The following BICRAL variants were observed in gnomAD, a reference collection of about 807,000 sequenced individuals.
BICRAL encodes BICRA like chromatin remodeling complex associated protein.
A neutral mutation model predicts 91.8 loss-of-function variants in BICRAL; 8 were observed. The observed-to-expected ratio is 0.09, with a 90% confidence interval of 0.05 to 0.16. BICRAL has a LOEUF of 0.16. BICRAL is among the 10% of genes least tolerant of loss of function. The pLI, the probability that BICRAL is intolerant of heterozygous loss-of-function variation, is 1.00. For missense variants in BICRAL, 1,038 were observed against 1,310.9 expected, an observed-to-expected ratio of 0.79 and a Z score of 3.21; for synonymous variants, 445 against 491.1, an observed-to-expected ratio of 0.91 and a Z score of 1.24.
chr6:42,854,721 A>G (rs556471339), intron 8 of BICRAL, among the ~76,000 whole-genome samples: 1 of 151,724 alleles, frequency 6.6e-6, no homozygotes, highest in Admixed American at 6.6e-5. Context: ...ACGTTTTGCC[A>G]TGTTGGCCAG....
At chr6:42,787,727 G>A (rs1467961435) in intron 1 of BICRAL, among the ~76,000 whole-genome samples, 1 of 152,116 alleles carries the variant, frequency 6.6e-6, no homozygotes, top group East Asian at 1.9e-4. Flanking sequence ...CAACATGATG[G>A]TGACTGTTTT....
chr6:42,838,032 T>C (rs902289101), intron 6 of BICRAL, among the ~76,000 whole-genome samples: 1 of 152,250 alleles, frequency 6.6e-6, no homozygotes. Flanking sequence ...ATAGTCTCTA[T>C]GTGTATGTAC....
chr6:42,801,861 T>A (rs1430282226), intron 1 of BICRAL, among the ~76,000 whole-genome samples: 1 of 150,190 alleles, frequency 6.7e-6, no homozygotes. Context: ...CCAGCCTGGG[T>A]GACAGAGTGA....
At chr6:42,788,156 G>T (rs1582818178) in intron 1 of BICRAL, among the ~76,000 whole-genome samples, 1 of 150,362 alleles carries the variant, frequency 6.7e-6, no homozygotes, top group Non-Finnish European at 1.5e-5. Context: ...AGGCTAATGA[G>T]AATATTTAAT....
chr6:42,791,706 T>C (rs925296143), intron 1 of BICRAL, among the ~76,000 whole-genome samples: 19 of 152,072 alleles, frequency 1.2e-4, no homozygotes, highest in African/African-American at 4.6e-4. Context: ...TCAAGCGGTC[T>C]TCTCACCTCG....
At chr6:42,793,556 T>A (rs1480809378) in intron 1 of BICRAL, among the ~76,000 whole-genome samples, 1 of 151,766 alleles carries the variant, frequency 6.6e-6, no homozygotes, top group African/African-American at 2.4e-5. Flanking sequence ...CCCAAAGTGC[T>A]GGGATTACAG....
At chr6:42,770,710 C>G (rs910889697) in intron 1 of BICRAL, among the ~76,000 whole-genome samples, 7 of 150,820 alleles carry the variant, frequency 4.6e-5, no homozygotes, top group Admixed American at 1.3e-4. Flanking sequence ...GCCACCCCAC[C>G]CGGTCAGTGT....
rs573703748 is a variant in BICRAL, at chr6:42,769,173, C to G, written c.-260-12666C>G. ...TCTCATGAGTTTATAGTTAAGCTGGCCCCTGGGGCTGCAGTACTGTGAAGG... is the reference window on the plus strand; with the variant it reads ...TCTCATGAGTTTATAGTTAAGCTGGGCCCTGGGGCTGCAGTACTGTGAAGG... On this transcript the variant is annotated intron_variant, in intron 1 of 14. Transcript: ENST00000614467. Among the ~76,000 whole-genome samples the G allele has an allele frequency of 2.6e-5, 4 of 152,292 alleles. No individual in the cohort carries two copies. The East Asian group carries it at 7.7e-4, about 29-fold the overall frequency.
At chr6:42,802,791 G>C (rs974773520) in intron 1 of BICRAL, among the ~76,000 whole-genome samples, 3 of 151,808 alleles carry the variant, frequency 2.0e-5, no homozygotes, top group African/African-American at 2.4e-5. Flanking sequence ...ATGTTGCCCA[G>C]ACTGGTCTTG....
In BICRAL at chr6:42,828,643, G is replaced by A. The variant is rs1207613370; in HGVS notation, c.310G>A (p.Asp104Asn). 3 of 1,613,874 alleles carry A rather than the reference G, an allele frequency of 1.9e-6. No individual in the cohort carries two copies. The highest frequency in any genetic ancestry group is 1.3e-5 in the African/African-American group (1 of 74,870). Reference protein sequence around the residue: ...LPDLTEDQPFDILQKSLQEAN... With the variant: ...LPDLTEDQPFNILQKSLQEAN... ...TGATCTCACTGAGGACCAACCTTTCGACATTCTTCAGAAATCCTTGCAAGA... is the reference window on the plus strand; with the variant it reads ...TGATCTCACTGAGGACCAACCTTTCAACATTCTTCAGAAATCCTTGCAAGA... The change falls in exon 6 of 13, where the codon GAC (aspartate) becomes AAC (asparagine). Residue 104 changes from aspartate (D) to asparagine (N), a missense_variant. Coordinates refer to ENST00000314073, the MANE Select transcript of BICRAL (RefSeq NM_001393499.1).
intron 2 of BICRAL, among the ~76,000 whole-genome samples, chr6:42,818,903 A>T (rs962085383): frequency 2.0e-5 from 3 of 152,210 alleles, no homozygotes; most frequent in African/African-American, 7.2e-5. Context: ...TTTAAATATT[A>T]GCTTTAATTT....
chr6:42,848,177 G>A (rs1331070475), intron 6 of BICRAL, among the ~76,000 whole-genome samples: 5 of 150,690 alleles, frequency 3.3e-5, no homozygotes, highest in African/African-American at 4.9e-5. Flanking sequence ...GCTTGAACCC[G>A]GGAGGCAGAG....
intron 10 of BICRAL, 32 bp downstream of exon 10, chr6:42,857,268 T>G (rs1251090251): frequency 6.3e-7 from 1 of 1,579,200 alleles, no homozygotes; most frequent in Non-Finnish European, 8.6e-7. Context: ...GGCACCACTC[T>G]GATACCAGGA....
Position 42,822,708 on chromosome 6 carries a change from T to C in BICRAL, c.42-88T>C, listed in dbSNP as rs909898508. ...AGGATTTTACTCAGGTAATAAATCA[T>C]TTTCTTTCTACTCTAGTAAAAATTA... On this transcript the variant is annotated intron_variant, in intron 3 of 12. Coordinates refer to ENST00000314073, the MANE Select transcript of BICRAL (RefSeq NM_001393499.1). The C allele has an allele frequency of 5.8e-6, 4 of 686,392 alleles. No homozygotes were observed. In the African/African-American group the frequency reaches 7.4e-5, roughly 13 times the overall value. The allele number at this position is 686,392 out of a possible 1,614,324, so 42.5% of individuals were successfully genotyped here.
chr6:42,753,120 T>C (rs968045396), intron 1 of BICRAL, among the ~76,000 whole-genome samples: 2 of 150,714 alleles, frequency 1.3e-5, no homozygotes, highest in African/African-American at 4.9e-5. Flanking sequence ...TAGAGACTGG[T>C]TTCACCATGT....
chr6:42,814,479 A>G (rs189944422), intron 2 of BICRAL, among the ~76,000 whole-genome samples: 1,272 of 79,036 alleles, frequency 0.016, 28 homozygotes, highest in Non-Finnish European at 0.019. Flanking sequence ...ATATACATGC[A>G]TGTGTGTGTG....
At chr6:42,783,222 AC>A (rs1762983213) in intron 1 of BICRAL, among the ~76,000 whole-genome samples, 1 of 151,336 alleles carries the variant, frequency 6.6e-6, no homozygotes, top group African/African-American at 2.4e-5. Flanking sequence ...TTTTCGAAGC[AC>A]CGCCGAGGAT....
chr6:42,801,916 A>G (rs1335269476), intron 1 of BICRAL, among the ~76,000 whole-genome samples: 1 of 152,054 alleles, frequency 6.6e-6, no homozygotes, highest in Non-Finnish European at 1.5e-5. Context: ...TGTTCCCTAA[A>G]ATAAATTCCC....
At chr6:42,756,487 C>T (rs747668671) in intron 1 of BICRAL, among the ~76,000 whole-genome samples, 10 of 152,126 alleles carry the variant, frequency 6.6e-5, no homozygotes, top group Non-Finnish European at 1.3e-4. Context: ...CTGATTGACT[C>T]TCAGATCCCC....
Sources: gnomAD v4.1 joint callset for allele counts (sites outside exome capture counted in the v4.1 genomes callset) on GRCh38, gnomAD v4.1.1 for gene constraint, MANE v1.5 for transcripts, NCBI Gene and HGNC (gene_info 2026-07-23, HGNC 2026-07-21) for gene names.